SNX9: variants seen among roughly 807,000 people sequenced by gnomAD.
SNX9 encodes sorting nexin-9.
In SNX9, 44 loss-of-function variants were observed where a neutral mutation model predicts 89.4. The observed-to-expected ratio is 0.49, with a 90% CI of 0.39 to 0.63. SNX9 has a LOEUF of 0.63. Ranked by LOEUF, SNX9 falls within the 30% of genes least tolerant of loss-of-function variation. The probability of loss-of-function intolerance (pLI) is 0.00; values close to 1 mark genes in which losing one functional copy is unlikely to be tolerated. For missense variants in SNX9, 578 were observed against 736.1 expected (o/e 0.79, Z 2.49); for synonymous variants, 236 against 247.8 (o/e 0.95, Z 0.45).
intron 5 of SNX9, among the ~76,000 whole-genome samples, chr6:157,899,299 G>T (rs1783045247): frequency 2.6e-5 from 4 of 152,042 alleles, no homozygotes; most frequent in Admixed American, 2.6e-4. Flanking sequence ...TTAAACAGCT[G>T]CTTTTCAAAG....
At chr6:157,830,909 G>A (rs1781467084) in intron 1 of SNX9, among the ~76,000 whole-genome samples, 1 of 152,096 alleles carries the variant, frequency 6.6e-6, no homozygotes, top group African/African-American at 2.4e-5. Flanking sequence ...GCTACATTCT[G>A]GATGATTTCA....
At chr6:157,882,531 GA>G (rs1158754123) in intron 4 of SNX9, among the ~76,000 whole-genome samples, 1 of 152,114 alleles carries the variant, frequency 6.6e-6, no homozygotes, top group South Asian at 2.1e-4. Flanking sequence ...AAAGTACATC[GA>G]AAACCTTCTG....
chr6:157,889,430 CAAAAAAA>C (rs56303673), intron 4 of SNX9, among the ~76,000 whole-genome samples: 3 of 58,504 alleles, frequency 5.1e-5, no homozygotes, highest in African/African-American at 1.5e-4. Flanking sequence ...GACCCTGTCT[CAAAAAAA>C]AAAAAAAAAA....
chr6:157,825,097 A>C (rs894929874), intron 1 of SNX9, among the ~76,000 whole-genome samples: 3 of 152,066 alleles, frequency 2.0e-5, no homozygotes, highest in Non-Finnish European at 4.4e-5. Flanking sequence ...AAAATACAGA[A>C]ATTAGCTGGG....
chr6:157,942,884 TG>T lies in SNX9; in HGVS notation c.*50del. The T allele has an allele frequency of 6.4e-7, 1 of 1,569,162 alleles. No individual in the cohort carries two copies. The highest frequency in any genetic ancestry group is 8.7e-7 in the Non-Finnish European group (1 of 1,153,270). On this transcript the variant is annotated 3_prime_UTR_variant, in exon 18 of 18. Transcript: ENST00000392185. The stretch of plus-strand genomic sequence containing the variant: ...GAATGCCGCGTGCTTTCTCCTGACT[TG>T]GGGCAATGCAATTCAAAACTTTTTT...
At chr6:157,829,748 G>A (rs1004630698) in intron 1 of SNX9, among the ~76,000 whole-genome samples, 1 of 152,124 alleles carries the variant, frequency 6.6e-6, no homozygotes, top group Non-Finnish European at 1.5e-5. Context: ...TAATGTTAAT[G>A]TGATTTCACT....
chr6:157,929,828 G>A (rs1783771868), intron 12 of SNX9, among the ~76,000 whole-genome samples: 2 of 152,096 alleles, frequency 1.3e-5, no homozygotes, highest in South Asian at 4.1e-4. Context: ...TAATAAGATA[G>A]CACAGCAAAG....
intron 4 of SNX9, among the ~76,000 whole-genome samples, chr6:157,877,546 A>G (rs1782544228): frequency 6.6e-6 from 1 of 152,232 alleles, no homozygotes. Flanking sequence ...CCAGATGACC[A>G]TTAATTGGTA....
intron 6 of SNX9, among the ~76,000 whole-genome samples, chr6:157,902,341 A>T (rs187972713): frequency 6.6e-6 from 1 of 152,310 alleles, no homozygotes; most frequent in African/African-American, 2.4e-5. Context: ...TTCATTGCTA[A>T]TGTCACAGGA....
chr6:157,939,302 A>G (rs1003005918), intron 16 of SNX9, among the ~76,000 whole-genome samples: 8 of 152,206 alleles, frequency 5.3e-5, no homozygotes, highest in African/African-American at 1.9e-4. Flanking sequence ...TTGTGGTGCT[A>G]GATTGTGTCA....
chr6:157,884,534 T>C (rs929239117), intron 4 of SNX9, among the ~76,000 whole-genome samples: 2 of 152,246 alleles, frequency 1.3e-5, no homozygotes, highest in Non-Finnish European at 2.9e-5. Flanking sequence ...AATTGCTTAT[T>C]GAGACTTTCT....
chr6:157,875,280 A>G, intron 4 of SNX9, 104 bp downstream of exon 4: 1 of 1,410,516 alleles, frequency 7.1e-7, no homozygotes, highest in South Asian at 1.7e-5. Flanking sequence ...CCCCAAAAGC[A>G]AAAACAAAGT....
rs570701086 is a variant in SNX9, at chr6:157,915,822, C to CAA, written c.950-5696_950-5695dup. The stretch of plus-strand genomic sequence containing the variant: ...TCTGGGCGACAGAGTTAGACTCTGT[C>CAA]AAAAAAAAAAAAAAGATTTATATGT... On this transcript the variant is annotated intron_variant, in intron 9 of 17. Transcript: ENST00000392185. Among the ~76,000 whole-genome samples the CAA allele has an allele frequency of 7.0e-4, 63 of 89,364 alleles. 1 individual carries two copies. Among genetic ancestry groups the CAA allele is most frequent in the African/African-American group, 2.0e-3 (51 of 25,266 alleles). 58.6% of individuals were successfully genotyped at this position (89,364 alleles called of 152,430 possible).
chr6:157,897,690 A>G (rs1783009391), intron 5 of SNX9, among the ~76,000 whole-genome samples: 1 of 151,862 alleles, frequency 6.6e-6, no homozygotes, highest in Admixed American at 6.6e-5. Context: ...GATTTTTTGT[A>G]TTTTTATTAG....
At chr6:157,931,541 G>T (rs927317195) in intron 12 of SNX9, among the ~76,000 whole-genome samples, 1 of 152,178 alleles carries the variant, frequency 6.6e-6, no homozygotes, top group African/African-American at 2.4e-5. Flanking sequence ...TGGAATCTTA[G>T]CACCTTAAAA....
At chr6:157,937,659 C>G in intron 15 of SNX9, 136 bp downstream of exon 15, 1 of 655,078 alleles carries the variant, frequency 1.5e-6, no homozygotes. Context: ...GGTTTTGTAA[C>G]TGAATTTTGA....
At position 157,839,597 on chromosome 6, in the gene SNX9, G is replaced by A. The variant is rs137860641; in HGVS notation, c.12+16151G>A. 2.5e-3 allele frequency among the ~76,000 whole-genome samples: 387 copies of A among 152,310 alleles called. 1 individual carries two copies. Among genetic ancestry groups the A allele is most frequent in the African/African-American group, 8.7e-3 (360 of 41,570 alleles). On this transcript the variant is annotated intron_variant, in intron 1 of 17. Coordinates refer to ENST00000392185, the MANE Select transcript of SNX9 (RefSeq NM_016224.5). The stretch of plus-strand genomic sequence containing the variant: ...CAAGTGGGGGAAAAATTATAATTTT[G>A]CTTTTCTGTAATAATTTACAACAAA...
At chr6:157,907,313 A>G (rs1000655484) in intron 7 of SNX9, among the ~76,000 whole-genome samples, 2 of 151,826 alleles carry the variant, frequency 1.3e-5, no homozygotes, top group African/African-American at 4.8e-5. Context: ...ACAGAGTCTC[A>G]CTCTGTCACC....
At position 157,912,297 on chromosome 6, in the gene SNX9, C is replaced by G. The variant is rs1014525704; in HGVS notation, c.949+2272C>G. On this transcript the variant is annotated intron_variant, in intron 9 of 17. Coordinates refer to ENST00000392185, the MANE Select transcript of SNX9 (RefSeq NM_016224.5). ...AAATCCATGGCTTAATGGCCTATTT[C>G]AGGCTTGTAAGAAATTCTCATATCT... 3.9e-5 allele frequency among the ~76,000 whole-genome samples: 6 copies of G among 152,166 alleles called. No individual in the cohort carries two copies. In the East Asian group the frequency reaches 1.2e-3, roughly 29 times the overall value.
Sources: allele counts gnomAD v4.1 joint callset (sites outside exome capture counted in the v4.1 genomes callset), GRCh38; gene constraint gnomAD v4.1.1; transcripts MANE v1.5; gene names NCBI Gene and HGNC (gene_info 2026-07-23, HGNC 2026-07-21).